Variants in LAPTM4B observed in about 807,000 individuals in gnomAD.
LAPTM4B encodes the protein lysosomal protein transmembrane 4 beta, also known as lysosomal-associated transmembrane protein 4B.
In LAPTM4B, 26 loss-of-function variants were observed where a neutral mutation model predicts 28.5. The ratio of observed to expected loss-of-function variants is 0.91; its 90% CI spans 0.67 to 1.27. LAPTM4B has a LOEUF of 1.27. Ranked by LOEUF, LAPTM4B falls within the 50% of genes most tolerant of loss-of-function variation. The pLI is 0.00. For missense variants in LAPTM4B, 288 were observed against 285.8 expected (o/e 1.01, Z -0.06); for synonymous variants, 109 against 106.4 (o/e 1.02, Z -0.15).
chr8:97,835,414 C>G (rs1374519343), intron 6 of LAPTM4B, among the ~76,000 whole-genome samples: 3 of 152,224 alleles, frequency 2.0e-5, no homozygotes, highest in African/African-American at 7.2e-5. Context: ...GGGTTAATCT[C>G]TCCTCCAGTT....
rs147990836 is a variant in LAPTM4B at position 97,820,467 on chromosome 8, A to G, written c.507+1229A>G. Among the ~76,000 whole-genome samples, 430 of 152,216 alleles carry G rather than the reference A, an allele frequency of 2.8e-3. 2 individuals are homozygous for G. Among genetic ancestry groups the G allele is most frequent in the African/African-American group, 9.9e-3 (413 of 41,548 alleles). ...ATTGTCTTAATTTTGGCATAAAATT[A>G]TGTCATTCTTCAAAAATCATGCCTC... On this transcript the variant is annotated intron_variant, in intron 5 of 6. Coordinates refer to ENST00000521545, the MANE Select transcript of LAPTM4B (RefSeq NM_018407.6).
At chr8:97,831,151 T>G (rs901553330) in intron 6 of LAPTM4B, among the ~76,000 whole-genome samples, 2 of 152,186 alleles carry the variant, frequency 1.3e-5, no homozygotes, top group Admixed American at 6.5e-5. Flanking sequence ...TCATGGAGAT[T>G]CCACTGAATA....
intron 4 of LAPTM4B, among the ~76,000 whole-genome samples, chr8:97,817,533 C>T (rs1222109589): frequency 2.7e-5 from 4 of 150,588 alleles, no homozygotes; most frequent in African/African-American, 7.3e-5. Context: ...CTGCAACCTC[C>T]GCCTCCCTGG....
Position 97,816,142 on chromosome 8 carries a change from A to G in LAPTM4B, c.370A>G (p.Ile124Val). 1 of 1,613,764 alleles carries G rather than the reference A, an allele frequency of 6.2e-7. No individual in the cohort carries two copies. Among genetic ancestry groups the G allele is most frequent in the Non-Finnish European group, 8.5e-7 (1 of 1,179,870 alleles). Residue 124 changes from isoleucine (I) to valine (V), a missense_variant, in exon 4 of 7, where the codon ATT (isoleucine) becomes GTT (valine). Ile to Val is a conservative substitution (Grantham distance 29). Coordinates refer to ENST00000521545, the MANE Select transcript of LAPTM4B (RefSeq NM_018407.6). ...CATGTTGGTTGCAATCACTGTGCTT[A>G]TTTATCCAAACTCCATTCAGGAATA... is the stretch of plus-strand genomic sequence containing the variant. Reference protein sequence around the residue: ...LNMLVAITVLIYPNSIQEYIR... With the variant: ...LNMLVAITVLVYPNSIQEYIR...
At chr8:97,787,432 C>G (rs1816421788) in intron 1 of LAPTM4B, among the ~76,000 whole-genome samples, 1 of 151,916 alleles carries the variant, frequency 6.6e-6, no homozygotes, top group Non-Finnish European at 1.5e-5. Flanking sequence ...ACTACAGGCA[C>G]CCGCCACCAG....
At chr8:97,809,260 G>T (rs1248824394) in intron 2 of LAPTM4B, among the ~76,000 whole-genome samples, 1 of 152,192 alleles carries the variant, frequency 6.6e-6, no homozygotes, top group African/African-American at 2.4e-5. Context: ...AACCTCGATT[G>T]CCTTAGAAAA....
chr8:97,802,595 ACCT>A (rs1411876488), intron 1 of LAPTM4B, among the ~76,000 whole-genome samples: 6 of 151,838 alleles, frequency 4.0e-5, no homozygotes, highest in Admixed American at 6.6e-5. Context: ...CCTTGCACCG[ACCT>A]CCTATCTCAT....
chr8:97,784,854 A>G (rs1046309183), intron 1 of LAPTM4B, among the ~76,000 whole-genome samples: 1 of 152,188 alleles, frequency 6.6e-6, no homozygotes, highest in Non-Finnish European at 1.5e-5. Context: ...ATCAGCTCTT[A>G]GTGGTATGAA....
In LAPTM4B at chr8:97,816,105, C is replaced by T; in HGVS notation, c.333C>T (p.Asp111=). The change falls in exon 4 of 7, where the codon GAC becomes GAT. Residue 111 remains aspartate, a synonymous_variant. Transcript: ENST00000521545. ...IIPFFCYQIF[D]FALNMLVAIT... ...CATTCTTCTGTTACCAGATCTTTGA[C>T]TTTGCCCTGAACATGTTGGTTGCAA... The T allele has an allele frequency of 6.2e-7, 1 of 1,613,874 alleles. No homozygotes were observed. The highest frequency in any genetic ancestry group is 8.5e-7 in the Non-Finnish European group (1 of 1,179,846).
At chr8:97,777,215 C>G (rs1358392034) in intron 1 of LAPTM4B, among the ~76,000 whole-genome samples, 2 of 125,304 alleles carry the variant, frequency 1.6e-5, no homozygotes, top group African/African-American at 6.0e-5. Context: ...GGCATGATCT[C>G]TGCTCACTGC....
At chr8:97,784,630 A>G (rs759703531) in intron 1 of LAPTM4B, among the ~76,000 whole-genome samples, 5 of 151,892 alleles carry the variant, frequency 3.3e-5, no homozygotes, top group Non-Finnish European at 1.5e-5. Flanking sequence ...AATAGAGATG[A>G]GGTTTCAACG....
intron 2 of LAPTM4B, among the ~76,000 whole-genome samples, chr8:97,808,382 A>T (rs983203525): frequency 2.0e-5 from 3 of 151,290 alleles, no homozygotes; most frequent in Non-Finnish European, 4.4e-5. Context: ...GGGAGGGGGG[A>T]GTTTGCAGTG....
intron 1 of LAPTM4B, chr8:97,788,248 AGTT>A (rs545897396): frequency 5.6e-6 from 2 of 354,486 alleles, no homozygotes; most frequent in Non-Finnish European, 1.1e-5. Flanking sequence ...CTCCTTTTGG[AGTT>A]GTACCTGATT....
At chr8:97,840,819 A>G (rs1175325508) in intron 6 of LAPTM4B, among the ~76,000 whole-genome samples, 1 of 142,646 alleles carries the variant, frequency 7.0e-6, no homozygotes, top group East Asian at 2.0e-4. Flanking sequence ...GGCGCTCCTC[A>G]CTTCCCAGAT....
chr8:97,777,137 GTTTT>G (rs1176218610), intron 1 of LAPTM4B, among the ~76,000 whole-genome samples: 28 of 83,848 alleles, frequency 3.3e-4, no homozygotes, highest in Admixed American at 1.4e-3. Flanking sequence ...TTTCAGTGAG[GTTTT>G]TTTTTTTTTT....
rs76583132 is a variant in LAPTM4B, at chr8:97,817,056, C to T, written c.408+876C>T. Among the ~76,000 whole-genome samples, 623 of 152,272 alleles carry T rather than the reference C, an allele frequency of 4.1e-3. 5 individuals are homozygous for T. The highest frequency in any genetic ancestry group is 0.014 in the African/African-American group (595 of 41,534). On this transcript the variant is annotated intron_variant, in intron 4 of 6. Coordinates refer to ENST00000521545, the MANE Select transcript of LAPTM4B (RefSeq NM_018407.6). ...CAAGCATCATTTTGGGACTAGTTTA[C>T]GGTTAAATGTCCTTTGTGACCATAT...
intron 1 of LAPTM4B, among the ~76,000 whole-genome samples, chr8:97,777,177 C>T (rs551602479): frequency 1.2e-4 from 13 of 110,508 alleles, no homozygotes; most frequent in Non-Finnish European, 2.1e-4. Flanking sequence ...GACAGAGTCT[C>T]ACTCTGTGGC....
chr8:97,849,450 A>G (rs570194161), intron 6 of LAPTM4B, among the ~76,000 whole-genome samples: 1 of 152,174 alleles, frequency 6.6e-6, no homozygotes, highest in African/African-American at 2.4e-5. Context: ...TACCTCAGGC[A>G]TGTGTTCTGT....
At chr8:97,785,587 C>T (rs965452317) in intron 1 of LAPTM4B, among the ~76,000 whole-genome samples, 3 of 152,142 alleles carry the variant, frequency 2.0e-5, no homozygotes, top group Non-Finnish European at 2.9e-5. Context: ...ACTGACGTTG[C>T]CCTGACTGTA....
Sources: allele counts gnomAD v4.1 joint callset (sites outside exome capture counted in the v4.1 genomes callset), GRCh38; gene constraint gnomAD v4.1.1; transcripts MANE v1.5; gene names NCBI Gene and HGNC (gene_info 2026-07-23, HGNC 2026-07-21).